The following PTCHD4 variants were observed in gnomAD, a reference collection of about 807,000 sequenced individuals.
PTCHD4 encodes the protein patched domain-containing protein 4.
Under a neutral mutation model 58.1 loss-of-function variants are expected in PTCHD4, and 33 were observed. The ratio of observed to expected loss-of-function variants is 0.57; its 90% CI spans 0.43 to 0.76. The LOEUF (loss-of-function observed/expected upper bound fraction) is 0.76, where lower values mean the gene tolerates loss of function less well. Ranked by LOEUF, PTCHD4 falls within the 30% of genes least tolerant of loss-of-function variation. The pLI, the probability that PTCHD4 is intolerant of heterozygous loss-of-function variation, is 0.00. For missense variants in PTCHD4, 1,058 were observed against 1,027.1 expected, an observed-to-expected ratio of 1.03 and a Z score of -0.41; for synonymous variants, 478 against 409.6, an observed-to-expected ratio of 1.17 and a Z score of -2.02.
chr6:48,073,924 C>G (rs891346557), intron 1 of PTCHD4, among the ~76,000 whole-genome samples: 1 of 152,036 alleles, frequency 6.6e-6, no homozygotes, highest in Admixed American at 6.6e-5. Context: ...GCAAACTCAC[C>G]CTCTTTCTGG....
chr6:48,081,223 T>C (rs1470059616), intron 1 of PTCHD4, among the ~76,000 whole-genome samples: 4 of 152,308 alleles, frequency 2.6e-5, no homozygotes, highest in African/African-American at 7.2e-5. Flanking sequence ...AGATGTAATT[T>C]GGTGATAGAT....
intron 3 of PTCHD4, among the ~76,000 whole-genome samples, chr6:48,049,681 T>C (rs1764163129): frequency 6.6e-6 from 1 of 151,956 alleles, no homozygotes; most frequent in Non-Finnish European, 1.5e-5. Flanking sequence ...CTTGCATCCA[T>C]CATTAGGCCT....
Position 48,072,186 on chromosome 6 carries a change from G to A in PTCHD4, c.-969-2260C>T, listed in dbSNP as rs540592581. On this transcript the variant is annotated intron_variant, in intron 1 of 4. Transcript: ENST00000339488. The stretch of plus-strand genomic sequence containing the variant: ...TAGGCTCTACCTCCTTCCTCCTTAA[G>A]GTTGGAGTCCGTAATTTGCAAATCT... Among the ~76,000 whole-genome samples, 16 of 152,156 alleles carry A rather than the reference G, an allele frequency of 1.1e-4. 1 individual carries two copies. The highest frequency in any genetic ancestry group is 9.8e-4 in the Admixed American group (15 of 15,276).
At chr6:47,917,067 G>A (rs542807405) in intron 4 of PTCHD4, among the ~76,000 whole-genome samples, 112 of 152,084 alleles carry the variant, frequency 7.4e-4, no homozygotes, top group Non-Finnish European at 1.5e-3. Context: ...TGTAAAACAT[G>A]ATTATATTTT....
chr6:47,924,537 C>A (rs1037630625), intron 4 of PTCHD4, among the ~76,000 whole-genome samples: 1 of 151,982 alleles, frequency 6.6e-6, no homozygotes, highest in African/African-American at 2.4e-5. Flanking sequence ...TCAGTTATCT[C>A]ATTTGTAAAA....
intron 4 of PTCHD4, among the ~76,000 whole-genome samples, chr6:47,954,470 A>C (rs1394481420): frequency 6.6e-6 from 1 of 152,120 alleles, no homozygotes; most frequent in East Asian, 1.9e-4. Context: ...TCTGTGCTAA[A>C]CCTCTTGCTA....
rs1157820918 is a variant in PTCHD4, at chr6:48,068,980, C to T, written c.-23G>A. On this transcript the variant is annotated 5_prime_UTR_variant, in exon 2 of 5. Coordinates refer to ENST00000339488, the MANE Select transcript of PTCHD4 (RefSeq NM_001384253.1). This position sits in a 1 kb window ranked among gnomAD's most constrained non-coding sequence, Gnocchi z 4.2. ...CATGAGCAGCGTTCCCTCGGTCTAG[C>T]CCTTCATCTCGGTGCTGCAGTCCCC... 2.6e-5 allele frequency among the ~76,000 whole-genome samples: 4 copies of T among 151,484 alleles called. No individual in the cohort carries two copies. Among genetic ancestry groups the T allele is most frequent in the African/African-American group, 9.7e-5 (4 of 41,230 alleles).
intron 3 of PTCHD4, among the ~76,000 whole-genome samples, chr6:48,054,164 T>C (rs2114176086): frequency 6.6e-6 from 1 of 152,292 alleles, no homozygotes; most frequent in African/African-American, 2.4e-5. Flanking sequence ...CATTACATAA[T>C]TGAAAAGTTC....
At chr6:47,911,888 G>GA (rs1765081750) in intron 4 of PTCHD4, among the ~76,000 whole-genome samples, 1 of 152,062 alleles carries the variant, frequency 6.6e-6, no homozygotes, top group African/African-American at 2.4e-5. Context: ...GAGACCCTTG[G>GA]ACTAAACCTT....
At position 47,879,942 on chromosome 6, in the gene PTCHD4, G is replaced by GT. The variant is rs750159144; in HGVS notation, c.899-7dup. On this transcript the variant is annotated splice_polypyrimidine_tract_variant and splice_region_variant and intron_variant, in intron 4 of 4. Transcript: ENST00000339488. ...CACTCCTTTAGTTCCATGACCTAAT[G>GT]TTTTAAAAAAAGAAAATAATAATTA... The GT allele has an allele frequency of 1.2e-5, 18 of 1,488,360 alleles. No homozygotes were observed. Among genetic ancestry groups the GT allele is most frequent in the Non-Finnish European group, 1.3e-5 (15 of 1,119,428 alleles). 92.2% of individuals were successfully genotyped at this position (1,488,360 alleles called of 1,614,324 possible).
chr6:48,001,128 C>A (rs568942299), intron 4 of PTCHD4, among the ~76,000 whole-genome samples: 11 of 152,298 alleles, frequency 7.2e-5, no homozygotes, highest in African/African-American at 2.6e-4. Context: ...AATGGAAGAA[C>A]ATTCCATGCT....
chr6:48,061,994 T>A (rs664460), intron 3 of PTCHD4, among the ~76,000 whole-genome samples: 23,642 of 152,130 alleles, frequency 0.16, 1,854 homozygotes, highest in African/African-American at 0.2. Flanking sequence ...AAAATATTTA[T>A]ATTGAGCCTA....
intron 1 of PTCHD4, among the ~76,000 whole-genome samples, chr6:48,071,991 G>A (rs1300348298): frequency 6.6e-6 from 1 of 152,152 alleles, no homozygotes; most frequent in Non-Finnish European, 1.5e-5. Context: ...AATATCGAGG[G>A]TGCATTCTTT....
intron 3 of PTCHD4, among the ~76,000 whole-genome samples, chr6:48,037,000 G>A (rs1354113799): frequency 6.6e-6 from 1 of 152,134 alleles, no homozygotes; most frequent in Non-Finnish European, 1.5e-5. Flanking sequence ...CCCTGAAGAT[G>A]AGTGACACCA....
At chr6:48,094,563 G>A (rs1344099517) in intron 1 of PTCHD4, among the ~76,000 whole-genome samples, 1 of 152,164 alleles carries the variant, frequency 6.6e-6, no homozygotes, top group Non-Finnish European at 1.5e-5. Flanking sequence ...GGATTTGACC[G>A]AGTCAAGAAA....
chr6:48,050,168 C>A (rs1465720101), intron 3 of PTCHD4, among the ~76,000 whole-genome samples: 1 of 151,880 alleles, frequency 6.6e-6, no homozygotes, highest in Admixed American at 6.6e-5. Context: ...CGATATTAGT[C>A]AGGTTTATTA....
chr6:48,086,430 T>C (rs181321211), intron 1 of PTCHD4, among the ~76,000 whole-genome samples: 12 of 151,928 alleles, frequency 7.9e-5, no homozygotes, highest in Non-Finnish European at 1.0e-4. Context: ...ACTAGAAGAA[T>C]ATTCTTTAAT....
chr6:48,000,997 C>T (rs1164609568), intron 4 of PTCHD4, among the ~76,000 whole-genome samples: 2 of 152,162 alleles, frequency 1.3e-5, no homozygotes, highest in African/African-American at 4.8e-5. Flanking sequence ...AGTGAACTCC[C>T]ATTCACAATT....
intron 4 of PTCHD4, among the ~76,000 whole-genome samples, chr6:47,944,078 A>T (rs1766331642): frequency 6.6e-6 from 1 of 152,142 alleles, no homozygotes; most frequent in Non-Finnish European, 1.5e-5. Flanking sequence ...AGAGGGCAGA[A>T]GTAGATGATT....
Sources: gnomAD v4.1 joint callset for allele counts (sites outside exome capture counted in the v4.1 genomes callset) on GRCh38, gnomAD v4.1.1 for gene constraint, Gnocchi (gnomAD v3.1) non-coding constraint, MANE v1.5 for transcripts, NCBI Gene and HGNC (gene_info 2026-07-23, HGNC 2026-07-21) for gene names.